TRIM40: variants seen among roughly 807,000 people sequenced by gnomAD.
TRIM40 encodes the protein tripartite motif containing 40.
TRIM40 carries 27 observed loss-of-function variants against 26.1 expected under a neutral mutation model. That is an observed-to-expected ratio of 1.04 (90% CI 0.76 to 1.43). The LOEUF (loss-of-function observed/expected upper bound fraction) is 1.43. Ranked by LOEUF, TRIM40 falls within the 40% of genes most tolerant of loss-of-function variation. The probability of loss-of-function intolerance (pLI) is 0.00; values close to 1 mark genes in which losing one functional copy is unlikely to be tolerated. For missense variants in TRIM40, 289 were observed against 307.9 expected (o/e 0.94, Z 0.46); for synonymous variants, 114 against 120.0 (o/e 0.95, Z 0.33).
chr6:30,139,339 C>CTTTT (rs9278591), intron 2 of TRIM40, among the ~76,000 whole-genome samples: 14 of 77,860 alleles, frequency 1.8e-4, no homozygotes, highest in South Asian at 5.3e-4. Context: ...ACTTTTTTTT[C>CTTTT]TTTTTTTTTT....
Position 30,147,585 on chromosome 6 carries a change from CCA to C in TRIM40, c.689+48_689+49del, listed in dbSNP as rs759037721. The C allele has an allele frequency of 1.5e-4, 237 of 1,614,064 alleles. 1 individual carries two copies. In the Middle Eastern group the frequency reaches 2.6e-3, roughly 18 times the overall value. On this transcript the variant is annotated intron_variant, in intron 5 of 5. Transcript: ENST00000396581. The stretch of plus-strand genomic sequence containing the variant: ...TTCTTTCCCACATGTGCATATAAAC[CCA>C]CACAACACAGACATGCACAGAGGTC...
chr6:30,143,370 TA>T (rs1771462869), intron 2 of TRIM40, among the ~76,000 whole-genome samples: 1 of 152,052 alleles, frequency 6.6e-6, no homozygotes, highest in South Asian at 2.1e-4. Flanking sequence ...ATGTTGTTTT[TA>T]ATTCATATTT....
Position 30,146,419 on chromosome 6 carries a change from AT to A in TRIM40, c.441+340del, listed in dbSNP as rs533553305. Reference sequence around the variant, plus strand: ...CCTCTGTTTCTTTTTATTTTATTTTATTTTTTTTTTGAGATGGAGCCTTGCT... The same window carrying A: ...CCTCTGTTTCTTTTTATTTTATTTTATTTTTTTTTGAGATGGAGCCTTGCT... On this transcript the variant is annotated intron_variant, in intron 3 of 5. Transcript: ENST00000396581. Among the ~76,000 whole-genome samples, 10 of 148,232 alleles carry A rather than the reference AT, an allele frequency of 6.7e-5. No individual in the cohort carries two copies. In the South Asian group the frequency reaches 8.6e-4, roughly 13 times the overall value.
At chr6:30,144,247 G>T (rs1024804178) in intron 2 of TRIM40, among the ~76,000 whole-genome samples, 81 of 152,144 alleles carry the variant, frequency 5.3e-4, no homozygotes, top group African/African-American at 1.9e-3. Flanking sequence ...CAACAAAGGT[G>T]AAATGTGACA....
chr6:30,136,146 G>A lies in TRIM40; in HGVS notation c.-348G>A, dbSNP rs2021723. On this transcript the variant is annotated 5_prime_UTR_variant, in exon 1 of 6. Transcript: ENST00000396581. ...ATCTGCTGGCCATCTCTCCAGGTCT[G>A]GAGCCAGAGAAGATGATCTGAAATT... 25,682 of 152,204 alleles carry A rather than the reference G, an allele frequency of 0.17. 2,608 individuals are homozygous for A. Among genetic ancestry groups the A allele is most frequent in the African/African-American group, 0.27 (11,355 of 41,486 alleles). The allele number at this position is 152,204 out of a possible 1,614,324, so 9.4% of individuals were successfully genotyped here.
Position 30,148,134 on chromosome 6 carries a change from A to C in TRIM40, c.*322A>C, listed in dbSNP as rs1208866905. On this transcript the variant is annotated 3_prime_UTR_variant, in exon 6 of 6. Coordinates refer to ENST00000396581, the MANE Select transcript of TRIM40 (RefSeq NM_001286633.2). Reference sequence around the variant, plus strand: ...GGTAGTGCCCATCTCTCACAATCTCATTCAAATAGGATCCTCCAGGCCTCT... The same window carrying C: ...GGTAGTGCCCATCTCTCACAATCTCCTTCAAATAGGATCCTCCAGGCCTCT... The C allele has an allele frequency of 6.5e-5, 29 of 444,334 alleles. No homozygotes were observed. Among genetic ancestry groups the C allele is most frequent in the East Asian group, 3.0e-4 (8 of 26,756 alleles). The allele number at this position is 444,334 out of a possible 1,614,324, so 27.5% of individuals were successfully genotyped here. A position where few individuals can be genotyped will look rare whatever the true frequency, so the allele number is the denominator to read the frequency against.
rs1330082552 is a variant in TRIM40 at position 30,147,855 on chromosome 6, C to T, written c.*43C>T. The stretch of plus-strand genomic sequence containing the variant: ...CACCTCACTTCAGGCTCACCTCAGC[C>T]TCCTCTCTCTCCTTCCTCCAACCTG... On this transcript the variant is annotated 3_prime_UTR_variant, in exon 6 of 6. Coordinates refer to ENST00000396581, the MANE Select transcript of TRIM40 (RefSeq NM_001286633.2). The T allele has an allele frequency of 1.3e-6, 2 of 1,550,792 alleles. No individual in the cohort carries two copies. Among genetic ancestry groups the T allele is most frequent in the Non-Finnish European group, 1.8e-6 (2 of 1,122,712 alleles).
At chr6:30,142,057 T>C (rs1771379908) in intron 2 of TRIM40, among the ~76,000 whole-genome samples, 1 of 152,134 alleles carries the variant, frequency 6.6e-6, no homozygotes, top group African/African-American at 2.4e-5. Flanking sequence ...GTGGACCTTA[T>C]GTGTACTCAT....
intron 2 of TRIM40, among the ~76,000 whole-genome samples, chr6:30,138,443 T>C (rs56659485): frequency 0.011 from 1,685 of 152,316 alleles, 24 homozygotes; most frequent in African/African-American, 0.034. Flanking sequence ...ATTCATATAG[T>C]TTCCCCATTG....
rs558747604 is a variant in TRIM40 at position 30,145,716 on chromosome 6, G to A, written c.346-278G>A. Among the ~76,000 whole-genome samples the A allele has an allele frequency of 4.3e-4, 65 of 152,332 alleles. 1 individual carries two copies. In the South Asian group the frequency reaches 0.013, roughly 32 times the overall value. On this transcript the variant is annotated intron_variant, in intron 2 of 5. Coordinates refer to ENST00000396581, the MANE Select transcript of TRIM40 (RefSeq NM_001286633.2). ...TTTGTATGTTGAGAGAAAGCACCCT[G>A]AAGTCAAGTAGAAATGGTTCTGTTG...
At position 30,147,513 on chromosome 6, in the gene TRIM40, C is replaced by T. The variant is rs766343755; in HGVS notation, c.667-7C>T. 6.2e-7 allele frequency: 1 copy of T among 1,614,022 alleles called. No individual in the cohort carries two copies. ...CAATTATGATTCTCACTTTTTCTCT[C>T]TCCTAGAATGCTGGTGACTTACTGA... On this transcript the variant is annotated splice_region_variant and splice_polypyrimidine_tract_variant and intron_variant, in intron 4 of 5. Transcript: ENST00000396581.
rs374311580 is a variant in TRIM40, at chr6:30,147,698, A to T, written c.690-27A>T. On this transcript the variant is annotated intron_variant, in intron 5 of 5. Transcript: ENST00000396581. ...CAATGGAATATATGAATACATATTA[A>T]TCTATGAAAGATTTCTTTGTTTCTA... 2.5e-6 allele frequency: 4 copies of T among 1,610,914 alleles called. No individual in the cohort carries two copies. In the African/African-American group the frequency reaches 5.3e-5, roughly 22 times the overall value.
intron 4 of TRIM40, 33 bp downstream of exon 4, chr6:30,147,242 G>A: frequency 6.2e-7 from 1 of 1,611,248 alleles, no homozygotes; most frequent in African/African-American, 1.3e-5. Context: ...CAAGGGCTGG[G>A]ATTCTCCCCG....
At chr6:30,145,544 G>A (rs1037463369) in intron 2 of TRIM40, among the ~76,000 whole-genome samples, 2 of 152,178 alleles carry the variant, frequency 1.3e-5, no homozygotes, top group African/African-American at 4.8e-5. Context: ...ACCTAGTAAA[G>A]GGCTCTATCT....
At chr6:30,142,601 A>T (rs1337040740) in intron 2 of TRIM40, among the ~76,000 whole-genome samples, 1 of 152,052 alleles carries the variant, frequency 6.6e-6, no homozygotes, top group African/African-American at 2.4e-5. Flanking sequence ...ATTCTTTTTT[A>T]TAATATAATC....
chr6:30,147,183 A>G lies in TRIM40; in HGVS notation c.640A>G (p.Lys214Glu), dbSNP rs200282002. The change falls in exon 4 of 6, where the codon AAG becomes GAG. Residue 214 changes from lysine to glutamate, a missense_variant. By Grantham distance (56) the Lys-to-Glu change is moderately conservative. Coordinates refer to ENST00000396581, the MANE Select transcript of TRIM40 (RefSeq NM_001286633.2). ...GGTCATTGATCTGGAAAGGACGGCC[A>G]AGGAATTAGACACCAACACACTGAA... ...SLVIDLERTA[K>E]ELDTNTLKNA... The G allele has an allele frequency of 7.8e-5, 126 of 1,614,240 alleles. No individual in the cohort carries two copies. The highest frequency in any genetic ancestry group is 1.7e-4 in the Middle Eastern group (1 of 6,052).
In TRIM40 at chr6:30,147,118, T is replaced by C. The variant is rs752396005; in HGVS notation, c.575T>C (p.Ile192Thr). Residue 192 changes from isoleucine (I) to threonine (T), a missense_variant, in exon 4 of 6, where the codon ATC becomes ACC. By Grantham distance (89) the Ile-to-Thr change is moderately conservative (BLOSUM62 -1). Coordinates refer to ENST00000396581, the MANE Select transcript of TRIM40 (RefSeq NM_001286633.2). ...LEHMPAEAAR[I>T]LDISRAVTQL... ...CACATGCCAGCAGAAGCGGCCAGAATCCTTGACATCTCCAGGGCAGTAACA... is the reference window on the plus strand; with the variant it reads ...CACATGCCAGCAGAAGCGGCCAGAACCCTTGACATCTCCAGGGCAGTAACA... 6.2e-7 allele frequency: 1 copy of C among 1,614,206 alleles called. No homozygotes were observed. The highest frequency in any genetic ancestry group is 8.5e-7 in the Non-Finnish European group (1 of 1,180,034).
At chr6:30,138,973 G>A (rs1048426782) in intron 2 of TRIM40, among the ~76,000 whole-genome samples, 2 of 152,230 alleles carry the variant, frequency 1.3e-5, no homozygotes, top group African/African-American at 4.8e-5. Context: ...ATGTCCACAG[G>A]AGAGTGGGGA....
At chr6:30,139,224 G>A (rs1457489069) in intron 2 of TRIM40, among the ~76,000 whole-genome samples, 2 of 152,044 alleles carry the variant, frequency 1.3e-5, no homozygotes, top group Non-Finnish European at 2.9e-5. Context: ...CTGTGTGTGA[G>A]AAACTGCAGC....
Sources: gnomAD v4.1 joint callset for allele counts (sites outside exome capture counted in the v4.1 genomes callset) on GRCh38, gnomAD v4.1.1 for gene constraint, MANE v1.5 for transcripts, NCBI Gene and HGNC (gene_info 2026-07-23, HGNC 2026-07-21) for gene names.